DPP4: variants seen among roughly 807,000 people sequenced by gnomAD.
The protein encoded by DPP4 is dipeptidyl peptidase 4.
Under a neutral mutation model 122.4 loss-of-function variants are expected in DPP4, and 93 were observed. The observed-to-expected ratio is 0.76, with a 90% CI of 0.64 to 0.90. The LOEUF is 0.90. Among genes scored for constraint, DPP4 ranks in the 40% least tolerant of loss-of-function variants. The probability of loss-of-function intolerance (pLI) is 0.00; values close to 1 mark genes in which losing one functional copy is unlikely to be tolerated. For synonymous variants in DPP4, 321 were observed against 302.9 expected, an observed-to-expected ratio of 1.06 and a Z score of -0.62; for missense variants, 914 against 907.3, an observed-to-expected ratio of 1.01 and a Z score of -0.09.
chr2:162,059,246 A>G (rs1022022079), intron 2 of DPP4, among the ~76,000 whole-genome samples: 8 of 149,036 alleles, frequency 5.4e-5, no homozygotes, highest in Non-Finnish European at 1.0e-4. Context: ...TCTGAAATGA[A>G]TTTTTTTTTT....
chr2:162,019,195 C>T, intron 15 of DPP4, 28 bp downstream of exon 15: 1 of 1,581,566 alleles, frequency 6.3e-7, no homozygotes. Context: ...TAAAATGACT[C>T]AAGTCAACAA....
chr2:162,019,371 G>C, intron 14 of DPP4, 95 bp from the exon 15 acceptor site: 1 of 849,014 alleles, frequency 1.2e-6, no homozygotes, highest in Non-Finnish European at 1.8e-6. Context: ...AAGTGTGCAC[G>C]GAGCGCGCGC....
At chr2:162,007,583 G>A (rs569343775) in intron 22 of DPP4, among the ~76,000 whole-genome samples, 17 of 152,082 alleles carry the variant, frequency 1.1e-4, no homozygotes, top group African/African-American at 4.1e-4. Flanking sequence ...ATTAAATGAA[G>A]TTTTCTTCTC....
chr2:162,023,353 T>C (rs907875632), intron 11 of DPP4, among the ~76,000 whole-genome samples: 2 of 152,192 alleles, frequency 1.3e-5, no homozygotes, highest in Non-Finnish European at 2.9e-5. Flanking sequence ...GCCTGTCCCA[T>C]TGTGATAGTC....
chr2:162,046,284 T>C (rs1425351600), intron 4 of DPP4, among the ~76,000 whole-genome samples: 1 of 152,046 alleles, frequency 6.6e-6, no homozygotes, highest in East Asian at 1.9e-4. Context: ...CCAGTGGAAA[T>C]GGAAACTGAG....
In DPP4 at chr2:162,002,673, A is replaced by AAG. The variant is rs112312472; in HGVS notation, c.2052+3070_2052+3071dup. Among the ~76,000 whole-genome samples the AAG allele has an allele frequency of 3.2e-3, 485 of 150,506 alleles. 3 individuals are homozygous for AAG. The highest frequency in any genetic ancestry group is 0.011 in the African/African-American group (444 of 41,182). ...AGAAAGGGAGAGAAGGAAAAAGAGG[A>AAG]AGAGAGAGAGAGAGAGAGGAGAGAG... On this transcript the variant is annotated intron_variant, in intron 23 of 25. Coordinates refer to ENST00000360534, the MANE Select transcript of DPP4 (RefSeq NM_001935.4).
At chr2:162,014,502 A>G (rs1272170941) in intron 18 of DPP4, 37 bp from the exon 19 acceptor site, 1 of 1,485,508 alleles carries the variant, frequency 6.7e-7, no homozygotes, top group South Asian at 1.2e-5. Context: ...GAGGTAAGAA[A>G]AATTATTAGC....
rs1172962703 is a variant in DPP4, at chr2:162,047,083, A to C, written c.194-77T>G. ...TCATAAGCTGAAAATTACAGAATAC[A>C]GTTTAAGCTCACAAATACCAAATAG... On this transcript the variant is annotated intron_variant, in intron 3 of 25. Transcript: ENST00000360534. 5.1e-6 allele frequency: 4 copies of C among 781,974 alleles called. No homozygotes were observed. In the East Asian group the frequency reaches 1.0e-4, roughly 20 times the overall value. 48.4% of individuals were successfully genotyped at this position (781,974 alleles called of 1,614,324 possible).
At chr2:162,019,995 T>C (rs535192280) in intron 14 of DPP4, among the ~76,000 whole-genome samples, 1 of 152,280 alleles carries the variant, frequency 6.6e-6, no homozygotes, top group South Asian at 2.1e-4. Flanking sequence ...ATACAGCTCT[T>C]GTAATGTAAA....
At chr2:162,056,669 T>C (rs1481792271) in intron 2 of DPP4, among the ~76,000 whole-genome samples, 1 of 152,132 alleles carries the variant, frequency 6.6e-6, no homozygotes, top group African/African-American at 2.4e-5. Context: ...TAATAGTCCC[T>C]CCCAAAACTG....
intron 10 of DPP4, 26 bp from the exon 11 acceptor site, chr2:162,024,965 CAGAG>C: frequency 6.2e-7 from 1 of 1,608,428 alleles, no homozygotes; most frequent in South Asian, 1.1e-5. Context: ...AAAGGAAGGA[CAGAG>C]AGAGAGAATG....
intron 12 of DPP4, among the ~76,000 whole-genome samples, chr2:162,021,819 T>C (rs557377941): frequency 3.3e-5 from 5 of 152,166 alleles, no homozygotes; most frequent in African/African-American, 1.2e-4. Context: ...CGTGAGGAAG[T>C]GTAGCGTGTC....
chr2:162,011,058 T>C (rs186529838), intron 20 of DPP4, among the ~76,000 whole-genome samples: 53 of 152,278 alleles, frequency 3.5e-4, no homozygotes, highest in African/African-American at 1.3e-3. Context: ...CCTAATAGTC[T>C]CTATTTATTT....
intron 11 of DPP4, 115 bp downstream of exon 11, chr2:162,024,689 G>A: frequency 2.2e-6 from 3 of 1,381,594 alleles, no homozygotes; most frequent in Non-Finnish European, 2.9e-6. Flanking sequence ...GACAGAGTCA[G>A]AAAGAAGAGA....
chr2:162,016,718 G>A, intron 18 of DPP4, 50 bp downstream of exon 18: 1 of 1,213,622 alleles, frequency 8.2e-7, no homozygotes, highest in Non-Finnish European at 1.2e-6. Context: ...TATAGTTAGA[G>A]TGCATTGGTG....
chr2:162,047,622 C>T (rs1009411320), intron 2 of DPP4, 121 bp from the exon 3 acceptor site: 1 of 564,810 alleles, frequency 1.8e-6, no homozygotes, highest in Non-Finnish European at 3.0e-6. Context: ...AATATACTCA[C>T]AAAATGCAAG....
Position 162,035,242 on chromosome 2 carries a change from T to C in DPP4, c.696A>G (p.Glu232=), listed in dbSNP as rs769180948. ...AGAAGGAGTATTCAATAAGTGGGAC[T>C]TCTGTGTCGTTAAATTGGGCATATG... ...FLAYAQFNDT[E]VPLIEYSFYS... Residue 232 remains glutamate (E), a synonymous_variant, in exon 9 of 26, where the codon GAA becomes GAG. Coordinates refer to ENST00000360534, the MANE Select transcript of DPP4 (RefSeq NM_001935.4). 2.1e-5 allele frequency: 34 copies of C among 1,613,966 alleles called. No individual in the cohort carries two copies. The highest frequency in any genetic ancestry group is 2.8e-5 in the Non-Finnish European group (33 of 1,179,974).
intron 10 of DPP4, among the ~76,000 whole-genome samples, chr2:162,027,132 C>T (rs527600488): frequency 8.2e-4 from 125 of 152,218 alleles, no homozygotes; most frequent in Non-Finnish European, 1.5e-3. Context: ...GGGCAGATCA[C>T]CTGAGGTCAG....
intron 8 of DPP4, 138 bp downstream of exon 8, chr2:162,038,164 T>C (rs558781461): frequency 3.6e-6 from 3 of 825,272 alleles, no homozygotes; most frequent in South Asian, 4.0e-5. Context: ...TGCTGTGAGT[T>C]CTAAGAGAAA....
Sources: gnomAD v4.1 joint callset for allele counts (sites outside exome capture counted in the v4.1 genomes callset) on GRCh38, gnomAD v4.1.1 for gene constraint, MANE v1.5 for transcripts, NCBI Gene and HGNC (gene_info 2026-07-23, HGNC 2026-07-21) for gene names.